The following EPX variants were observed in gnomAD, a reference collection of about 807,000 sequenced individuals.
EPX encodes eosinophil peroxidase.
In EPX, 60 loss-of-function variants were observed where a neutral mutation model predicts 73.0. The ratio of observed to expected loss-of-function variants is 0.82; its 90% CI spans 0.67 to 1.02. EPX has a LOEUF of 1.02. Ranked by LOEUF, EPX falls within the 50% of genes least tolerant of loss-of-function variation. The pLI, the probability that EPX is intolerant of heterozygous loss-of-function variation, is 0.00. For missense variants in EPX, 950 were observed against 973.9 expected (o/e 0.98, Z 0.33); for synonymous variants, 347 against 389.2 (o/e 0.89, Z 1.28).
At position 58,201,759 on chromosome 17, in the gene EPX, G is replaced by A. The variant is rs3785495; in HGVS notation, c.1709-1322G>A. ...TTCATGGCCCGACCTCCTGTGGAAC[G>A]TTTCACTTTGACCAAGGTCTGGGAA... On this transcript the variant is annotated intron_variant, in intron 10 of 12. Transcript: ENST00000225371. Among the ~76,000 whole-genome samples, 38 of 152,298 alleles carry A rather than the reference G, an allele frequency of 2.5e-4. No homozygotes were observed. The East Asian group carries it at 3.9e-3, about 15-fold the overall frequency.
At position 58,203,350 on chromosome 17, in the gene EPX, C is replaced by T. The variant is rs41561914; in HGVS notation, c.1946+32C>T. Reference sequence around the variant, plus strand: ...GACCCTATCATAAAAGACATCAGCACCAGAGGCAGAGCAGAAAAACACTAG... The same window carrying T: ...GACCCTATCATAAAAGACATCAGCATCAGAGGCAGAGCAGAAAAACACTAG... On this transcript the variant is annotated intron_variant, in intron 11 of 12. Coordinates refer to ENST00000225371, the MANE Select transcript of EPX (RefSeq NM_000502.6). 1.3e-3 allele frequency: 1,767 copies of T among 1,411,084 alleles called. 5 individuals are homozygous for T. Among genetic ancestry groups the T allele is most frequent in the South Asian group, 2.1e-3 (186 of 87,070 alleles). The allele number at this position is 1,411,084 out of a possible 1,614,324, so 87.4% of individuals were successfully genotyped here. A position where few individuals can be genotyped will look rare whatever the true frequency, so the allele number is the denominator to read the frequency against.
intron 2 of EPX, 71 bp from the exon 3 acceptor site, chr17:58,193,299 GC>G: frequency 6.8e-7 from 1 of 1,481,372 alleles, no homozygotes; most frequent in Middle Eastern, 1.9e-4. Context: ...TCCTGACTGT[GC>G]CCCAGGACTG....
chr17:58,193,934 C>T (rs1476003929), intron 4 of EPX, 29 bp from the exon 5 acceptor site: 4 of 1,612,746 alleles, frequency 2.5e-6, no homozygotes, highest in Admixed American at 3.3e-5. Context: ...GCCCTGCCCC[C>T]TGCTAACCTA....
intron 10 of EPX, 121 bp from the exon 11 acceptor site, chr17:58,202,960 G>A (rs1968360783): frequency 1.3e-6 from 1 of 757,550 alleles, no homozygotes; most frequent in Non-Finnish European, 2.3e-6. Context: ...CTGCCAGCAG[G>A]ATCTTCTGGT....
chr17:58,203,330 T>C lies in EPX; in HGVS notation c.1946+12T>C. 1.3e-6 allele frequency: 2 copies of C among 1,579,248 alleles called. No individual in the cohort carries two copies. Among genetic ancestry groups the C allele is most frequent in the Non-Finnish European group, 1.7e-6 (2 of 1,148,222 alleles). On this transcript the variant is annotated intron_variant, in intron 11 of 12. Transcript: ENST00000225371. ...CGAGACGGAGACAGGTAAGTGACCC[T>C]ATCATAAAAGACATCAGCACCAGAG...
At chr17:58,203,789 G>A (rs930004303) in intron 11 of EPX, among the ~76,000 whole-genome samples, 3 of 150,626 alleles carry the variant, frequency 2.0e-5, no homozygotes, top group Non-Finnish European at 3.0e-5. Context: ...AAAATTAGCC[G>A]GGCGTAGTGG....
chr17:58,195,682 GCA>G (rs984937122), intron 6 of EPX, among the ~76,000 whole-genome samples: 2 of 150,782 alleles, frequency 1.3e-5, no homozygotes, highest in African/African-American at 5.0e-5. Flanking sequence ...TGACACACGT[GCA>G]CACACACACT....
At position 58,200,327 on chromosome 17, in the gene EPX, A is replaced by C. The variant is rs1178589857; in HGVS notation, c.1640A>C (p.Gln547Pro). ...VDELRDRLFRQVRRIGLDLAA... is the reference protein window; with the variant it reads ...VDELRDRLFRPVRRIGLDLAA... ...GAGCTCCGGGACCGGCTGTTTCGGC[A>C]AGTGAGGAGGATTGGGCTGGACCTG... The change falls in exon 10 of 13, where the codon CAA becomes CCA. Residue 547 changes from glutamine to proline, a missense_variant. Transcript: ENST00000225371. 5 of 1,614,106 alleles carry C rather than the reference A, an allele frequency of 3.1e-6. No homozygotes were observed. The highest frequency in any genetic ancestry group is 1.3e-5 in the African/African-American group (1 of 74,956).
intron 6 of EPX, among the ~76,000 whole-genome samples, chr17:58,195,847 A>G (rs12602498): frequency 0.36 from 54,243 of 151,906 alleles, 10,252 homozygotes; most frequent in African/African-American, 0.49. Context: ...CTATTCCTCA[A>G]TCCCTGGCTT....
In EPX at chr17:58,203,077, G is replaced by T; in HGVS notation, c.1709-4G>T. ...TGAAGCTGCTTCTCCCCGTTCCCCT[G>T]CAGGGTACAATGCTTGGAGGCGCTT... On this transcript the variant is annotated splice_polypyrimidine_tract_variant and splice_region_variant and intron_variant, in intron 10 of 12. Transcript: ENST00000225371. The T allele has an allele frequency of 6.2e-7, 1 of 1,608,412 alleles. No individual in the cohort carries two copies. Among genetic ancestry groups the T allele is most frequent in the Non-Finnish European group, 8.5e-7 (1 of 1,175,196 alleles).
chr17:58,194,193 T>A, intron 5 of EPX, 101 bp downstream of exon 5: 2 of 1,192,688 alleles, frequency 1.7e-6, no homozygotes, highest in Non-Finnish European at 1.2e-6. Context: ...CCCAGGCCCT[T>A]CCACTGACCA....
intron 6 of EPX, among the ~76,000 whole-genome samples, chr17:58,196,520 G>GT (rs1968258464): frequency 6.6e-6 from 1 of 152,052 alleles, no homozygotes; most frequent in Admixed American, 6.6e-5. Flanking sequence ...CCTTTCCTGT[G>GT]TTTTTTTAAC....
chr17:58,192,799 G>A lies in EPX; in HGVS notation c.-48G>A. 6.5e-7 allele frequency: 1 copy of A among 1,530,488 alleles called. No individual in the cohort carries two copies. Among genetic ancestry groups the A allele is most frequent in the Non-Finnish European group, 9.0e-7 (1 of 1,109,764 alleles). 94.8% of individuals were successfully genotyped at this position (1,530,488 alleles called of 1,614,324 possible). On this transcript the variant is annotated 5_prime_UTR_variant, in exon 1 of 13. Coordinates refer to ENST00000225371, the MANE Select transcript of EPX (RefSeq NM_000502.6). Reference sequence around the variant, plus strand: ...GGGGAGCAGAGGATCCTCCCGTGCAGGCTGTGGATGTCACTCACTTCCCAG... The same window carrying A: ...GGGGAGCAGAGGATCCTCCCGTGCAAGCTGTGGATGTCACTCACTTCCCAG...
At chr17:58,200,529 C>G in intron 10 of EPX, 134 bp downstream of exon 10, 1 of 938,894 alleles carries the variant, frequency 1.1e-6, no homozygotes. Context: ...GCATGCAAGG[C>G]CAAGGTCGAT....
chr17:58,201,096 C>G (rs1968335057), intron 10 of EPX, among the ~76,000 whole-genome samples: 1 of 152,212 alleles, frequency 6.6e-6, no homozygotes, highest in Non-Finnish European at 1.5e-5. Flanking sequence ...CTTTCTTCCC[C>G]CTGTTCAACC....
chr17:58,196,854 A>C, intron 6 of EPX, 85 bp from the exon 7 acceptor site: 1 of 1,105,142 alleles, frequency 9.0e-7, no homozygotes, highest in South Asian at 1.2e-5. Context: ...GTTTTAAGCA[A>C]GGTTTTGAGG....
In EPX at chr17:58,203,076, T is replaced by C. The variant is rs951374180; in HGVS notation, c.1709-5T>C. On this transcript the variant is annotated splice_polypyrimidine_tract_variant and splice_region_variant and intron_variant, in intron 10 of 12. Coordinates refer to ENST00000225371, the MANE Select transcript of EPX (RefSeq NM_000502.6). ...CTGAAGCTGCTTCTCCCCGTTCCCC[T>C]GCAGGGTACAATGCTTGGAGGCGCT... The C allele has an allele frequency of 4.4e-6, 7 of 1,608,754 alleles. No homozygotes were observed. Among genetic ancestry groups the C allele is most frequent in the Non-Finnish European group, 6.0e-6 (7 of 1,175,474 alleles).
At chr17:58,198,781 G>A (rs1968296796) in intron 7 of EPX, among the ~76,000 whole-genome samples, 1 of 152,302 alleles carries the variant, frequency 6.6e-6, no homozygotes, top group South Asian at 2.1e-4. Context: ...AGATGCCCCT[G>A]CCTGAGACCA....
Position 58,192,874 on chromosome 17 carries a change from G to A in EPX, c.28G>A (p.Val10Ile). Residue 10 changes from valine to isoleucine, a missense_variant, in exon 1 of 13, where the codon GTC (valine) becomes ATC (isoleucine). By Grantham distance (29) the Val-to-Ile change is conservative (BLOSUM62 3). Coordinates refer to ENST00000225371, the MANE Select transcript of EPX (RefSeq NM_000502.6). MHLLPALAG[V>I]LATLVLAQPC... ...GCATCTGCTCCCAGCCCTGGCAGGG[G>A]TCCTGGCCACACTCGTCCTCGCCCA... The A allele has an allele frequency of 6.2e-7, 1 of 1,614,108 alleles. No homozygotes were observed. Among genetic ancestry groups the A allele is most frequent in the Non-Finnish European group, 8.5e-7 (1 of 1,179,958 alleles).
Sources: allele counts gnomAD v4.1 joint callset (sites outside exome capture counted in the v4.1 genomes callset), GRCh38; gene constraint gnomAD v4.1.1; transcripts MANE v1.5; gene names NCBI Gene and HGNC (gene_info 2026-07-23, HGNC 2026-07-21).